The following ARHGEF9 variants were observed in gnomAD, a reference collection of about 807,000 sequenced individuals.
ARHGEF9 encodes Cdc42 guanine nucleotide exchange factor 9.
ARHGEF9 carries 2 observed loss-of-function variants against 41.3 expected under a neutral mutation model. The observed-to-expected ratio is 0.05, with a 90% CI of 0.02 to 0.15. The LOEUF is 0.15. Among genes scored for constraint, ARHGEF9 ranks in the 10% least tolerant of loss-of-function variants. ARHGEF9 has a pLI of 1.00. For missense variants in ARHGEF9, 225 were observed against 424.7 expected (o/e 0.53, Z 4.13); for synonymous variants, 160 against 154.4 (o/e 1.04, Z -0.27).
At chrX:63,723,962 GT>G (rs1275537201) in intron 2 of ARHGEF9, among the ~76,000 whole-genome samples, 5 of 111,955 alleles carry the variant, frequency 4.5e-5, no homozygotes, top group Admixed American at 9.5e-5. Flanking sequence ...CTTGAAAAAA[GT>G]AAAATTTGAT....
intron 3 of ARHGEF9, among the ~76,000 whole-genome samples, chrX:63,698,730 A>T (rs1345877577): frequency 3.6e-5 from 4 of 110,916 alleles, no homozygotes; most frequent in Non-Finnish European, 5.7e-5. Context: ...CCCTTCCCAT[A>T]TCTGTTCTCA....
chrX:63,758,051 G>GT (rs1336523500), intron 1 of ARHGEF9, among the ~76,000 whole-genome samples: 1 of 110,336 alleles, frequency 9.1e-6, no homozygotes, highest in Non-Finnish European at 1.9e-5. Flanking sequence ...AAGTGTTGGG[G>GT]TTTTTTTGTG....
In ARHGEF9 at chrX:63,636,001, G is replaced by C. The variant is rs1474774675; in HGVS notation, c.*2027C>G. The C allele has an allele frequency of 8.9e-6, 1 of 112,706 alleles. No individual in the cohort carries two copies. The highest frequency in any genetic ancestry group is 1.9e-5 in the Non-Finnish European group (1 of 53,562). The allele number at this position is 112,706 out of a possible 1,213,427, so 9.3% of individuals were successfully genotyped here. A position where few individuals can be genotyped will look rare whatever the true frequency, so the allele number is the denominator to read the frequency against. ...GTCCCGAGCCCCGGCCCTCTCCCCA[G>C]ATCAGGCTCATCCTTGACTTATAAT... On this transcript the variant is annotated 3_prime_UTR_variant, in exon 10 of 10. Transcript: ENST00000671741.
At chrX:63,735,452 C>A (rs2054554641) in intron 1 of ARHGEF9, among the ~76,000 whole-genome samples, 1 of 111,163 alleles carries the variant, frequency 9.0e-6, no homozygotes, top group South Asian at 3.8e-4. Context: ...GGTGGGTGGG[C>A]AAGGCAGAGA....
chrX:63,655,947 C>A (rs1454405440), intron 7 of ARHGEF9, among the ~76,000 whole-genome samples: 1 of 111,966 alleles, frequency 8.9e-6, no homozygotes, highest in Non-Finnish European at 1.9e-5. Context: ...TGTCTCACCT[C>A]GAAAGATCAT....
chrX:63,772,328 C>T (rs1556455379), intron 1 of ARHGEF9, among the ~76,000 whole-genome samples: 1 of 111,881 alleles, frequency 8.9e-6, no homozygotes, highest in African/African-American at 3.3e-5. Flanking sequence ...TTTGCAGCAG[C>T]CACTCAATTG....
At chrX:63,753,616 A>G (rs1225306806) in intron 1 of ARHGEF9, among the ~76,000 whole-genome samples, 2 of 107,933 alleles carry the variant, frequency 1.9e-5, no homozygotes, top group Non-Finnish European at 3.8e-5. Context: ...TGGGAAAGGG[A>G]GCCCAAATAG....
rs1303208262 is a variant in ARHGEF9 at position 63,652,449 on chromosome X, T to C, written c.1321+3045A>G. 3.6e-5 allele frequency among the ~76,000 whole-genome samples: 4 copies of C among 111,537 alleles called. No individual in the cohort carries two copies. In the Admixed American group the frequency reaches 3.8e-4, roughly 11 times the overall value. On this transcript the variant is annotated intron_variant, in intron 8 of 9. Transcript: ENST00000671741. ...GGTATTATAAATAATCTAGAAATGA[T>C]TGAAAGTATATGGAGGATGTACATA...
intron 4 of ARHGEF9, among the ~76,000 whole-genome samples, chrX:63,687,473 T>C (rs782642525): frequency 5.4e-5 from 6 of 110,700 alleles, no homozygotes; most frequent in Non-Finnish European, 1.1e-4. Flanking sequence ...CATATATCCA[T>C]AGAAAGAGCA....
chrX:63,747,085 A>G lies in ARHGEF9; in HGVS notation c.31-22374T>C, dbSNP rs1202283569. Among the ~76,000 whole-genome samples, 26 of 112,655 alleles carry G rather than the reference A, an allele frequency of 2.3e-4. No individual in the cohort carries two copies. In the Admixed American group the frequency reaches 2.4e-3, roughly 11 times the overall value. Reference sequence around the variant, plus strand: ...AATGGATCTCTGGATTACCTGCTAGATTTAAATAATATCTGTACTCGTGTT... The same window carrying G: ...AATGGATCTCTGGATTACCTGCTAGGTTTAAATAATATCTGTACTCGTGTT... On this transcript the variant is annotated intron_variant, in intron 1 of 9. Transcript: ENST00000671741.
At chrX:63,667,968 AT>A (rs1204069457) in intron 6 of ARHGEF9, among the ~76,000 whole-genome samples, 1 of 110,885 alleles carries the variant, frequency 9.0e-6, no homozygotes, top group Non-Finnish European at 1.9e-5. Flanking sequence ...CACTTTGAAT[AT>A]GTATGAAGTC....
Position 63,701,919 on chromosome X carries a change from G to A in ARHGEF9, c.402+4339C>T, listed in dbSNP as rs782544325. On this transcript the variant is annotated intron_variant, in intron 3 of 9. Coordinates refer to ENST00000671741, the MANE Select transcript of ARHGEF9 (RefSeq NM_001353921.2). ...ACTCATATTTTTATCCTAGGATACT[G>A]TACAAATATTACTATCTTATACAAT... is the stretch of plus-strand genomic sequence containing the variant. Among the ~76,000 whole-genome samples the A allele has an allele frequency of 2.7e-5, 3 of 112,130 alleles. No individual in the cohort carries two copies. The South Asian group carries it at 1.1e-3, about 42-fold the overall frequency.
chrX:63,650,126 T>TA (rs1556327125), intron 8 of ARHGEF9, among the ~76,000 whole-genome samples: 1 of 111,175 alleles, frequency 9.0e-6, no homozygotes, highest in East Asian at 2.8e-4. Flanking sequence ...GAAAAGTTCC[T>TA]AAAAAAATTA....
At chrX:63,705,336 A>G (rs2052457199) in intron 3 of ARHGEF9, among the ~76,000 whole-genome samples, 1 of 102,085 alleles carries the variant, frequency 9.8e-6, no homozygotes, top group Non-Finnish European at 2.0e-5. Context: ...TTCCGAGTCA[A>G]GAAGAAAGAT....
In ARHGEF9 at chrX:63,678,384, G is replaced by T; in HGVS notation, c.771C>A (p.Pro257=). 1 of 1,207,666 alleles carries T rather than the reference G, an allele frequency of 8.3e-7. No individual in the cohort carries two copies. Among genetic ancestry groups the T allele is most frequent in the East Asian group, 3.0e-5 (1 of 33,701 alleles). ...LTPVQKICKY[P]LQLAELLKYT... ...ACTTTAGGAGCTCAGCCAACTGTAAGGGATACTTGCAGATCTTCTGCACTG... is the reference window on the plus strand; with the variant it reads ...ACTTTAGGAGCTCAGCCAACTGTAATGGATACTTGCAGATCTTCTGCACTG... Residue 257 remains proline (P), a synonymous_variant, in exon 5 of 10, where the codon CCC becomes CCA. Coordinates refer to ENST00000671741, the MANE Select transcript of ARHGEF9 (RefSeq NM_001353921.2).
At chrX:63,725,304 G>C (rs1468841440) in intron 1 of ARHGEF9, among the ~76,000 whole-genome samples, 1 of 111,478 alleles carries the variant, frequency 9.0e-6, no homozygotes, top group Non-Finnish European at 1.9e-5. Context: ...GGGTAGGAAA[G>C]AATATGGCTT....
intron 1 of ARHGEF9, among the ~76,000 whole-genome samples, chrX:63,746,113 T>C (rs1484542876): frequency 1.8e-5 from 2 of 111,936 alleles, no homozygotes; most frequent in African/African-American, 3.3e-5. Context: ...GGCTTAATCC[T>C]AGGGCTCCTA....
chrX:63,699,647 A>G (rs1465574325), intron 3 of ARHGEF9, among the ~76,000 whole-genome samples: 2 of 112,102 alleles, frequency 1.8e-5, no homozygotes, highest in Admixed American at 9.5e-5. Flanking sequence ...GGCAGGGGAT[A>G]TATTAGGAAG....
chrX:63,692,176 G>A (rs1304799779), intron 4 of ARHGEF9, among the ~76,000 whole-genome samples: 1 of 111,948 alleles, frequency 8.9e-6, no homozygotes, highest in Non-Finnish European at 1.9e-5. Flanking sequence ...TACCTCTAAA[G>A]CACAGATAAC....
Sources: gnomAD v4.1 joint callset for allele counts (sites outside exome capture counted in the v4.1 genomes callset) on GRCh38, gnomAD v4.1.1 for gene constraint, MANE v1.5 for transcripts, NCBI Gene and HGNC (gene_info 2026-07-23, HGNC 2026-07-21) for gene names.